FCRL5: variants seen among roughly 807,000 people sequenced by gnomAD.
FCRL5 encodes Fc receptor-like protein 5.
FCRL5 carries 79 observed loss-of-function variants against 92.1 expected under a neutral mutation model. The ratio of observed to expected loss-of-function variants is 0.86; its 90% confidence interval spans 0.72 to 1.03. The LOEUF is 1.03. FCRL5 is among the 50% of genes least tolerant of loss of function. The pLI is 0.00. For synonymous variants in FCRL5, 466 were observed against 469.3 expected, an observed-to-expected ratio of 0.99 and a Z score of 0.09; for missense variants, 1,160 against 1,181.1, an observed-to-expected ratio of 0.98 and a Z score of 0.26.
intron 1 of FCRL5, among the ~76,000 whole-genome samples, chr1:157,552,129 T>C (rs943656222): frequency 1.3e-5 from 2 of 152,202 alleles, no homozygotes; most frequent in Non-Finnish European, 2.9e-5. Context: ...CTCTGTAAGA[T>C]TGAAAATTCC....
At chr1:157,528,010 G>C in intron 8 of FCRL5, 115 bp from the exon 9 acceptor site, 1 of 1,221,110 alleles carries the variant, frequency 8.2e-7, no homozygotes, top group African/African-American at 1.5e-5. Context: ...AATTGGTAAA[G>C]AGGAAGAAGT....
intron 10 of FCRL5, chr1:157,523,692 G>A (rs566229762): frequency 6.6e-6 from 1 of 152,604 alleles, no homozygotes; most frequent in South Asian, 2.1e-4. Flanking sequence ...AGAGGAATTT[G>A]GGTGATGGAT....
chr1:157,527,843 C>T lies in FCRL5; in HGVS notation c.1734G>A (p.Val578=). 1.9e-6 allele frequency: 3 copies of T among 1,610,894 alleles called. No individual in the cohort carries two copies. The highest frequency in any genetic ancestry group is 2.5e-6 in the Non-Finnish European group (3 of 1,178,174). The stretch of plus-strand genomic sequence containing the variant: ...AGTGAAGCTCCAGCAGGTCCCCCAC[C>T]ACAGCCTGGGCCCTGGGAACCCTGA... The part of the protein sequence containing the change: ...LTLRVPRAQA[V]VGDLLELHCE... The change falls in exon 9 of 17, where the codon GTG becomes GTA. Residue 578 remains valine (V), a synonymous_variant. Transcript: ENST00000361835.
chr1:157,537,020 T>G (rs1261210594), intron 7 of FCRL5, among the ~76,000 whole-genome samples: 2 of 152,192 alleles, frequency 1.3e-5, no homozygotes, highest in Non-Finnish European at 2.9e-5. Flanking sequence ...TTTTGTAAAC[T>G]GAGGATGAAT....
rs747005781 is a variant in FCRL5, at chr1:157,519,772, T to A, written c.2633-2A>T. 3 of 1,613,960 alleles carry A rather than the reference T, an allele frequency of 1.9e-6. No individual in the cohort carries two copies. In the South Asian group the frequency reaches 3.3e-5, roughly 18 times the overall value. On this transcript the variant is annotated splice_acceptor_variant, in intron 12 of 16. Coordinates refer to ENST00000361835, the MANE Select transcript of FCRL5 (RefSeq NM_031281.3). LOFTEE classifies it high-confidence loss of function. ...CGGGGTCAGAGGCAGGCTTTCTCCC[T>A]GTAAAGGAAAGCAGAGGAGCATTGG...
Position 157,514,213 on chromosome 1 carries a change from C to T in FCRL5, c.*1462G>A, listed in dbSNP as rs1649828370. ...TTAAAAGTCATCACTGTACAATCCACTGGGAGCAAAGATCAAGATAAGATG... is the reference window on the plus strand; with the variant it reads ...TTAAAAGTCATCACTGTACAATCCATTGGGAGCAAAGATCAAGATAAGATG... On this transcript the variant is annotated 3_prime_UTR_variant, in exon 17 of 17. Transcript: ENST00000361835. The T allele has an allele frequency of 6.6e-6, 1 of 152,232 alleles. No individual in the cohort carries two copies. Among genetic ancestry groups the T allele is most frequent in the South Asian group, 2.1e-4 (1 of 4,830 alleles). 9.4% of individuals were successfully genotyped at this position (152,232 alleles called of 1,614,324 possible). A position where few individuals can be genotyped will look rare whatever the true frequency, so the allele number is the denominator to read the frequency against.
At chr1:157,536,543 A>G (rs1650976996) in intron 7 of FCRL5, among the ~76,000 whole-genome samples, 1 of 152,260 alleles carries the variant, frequency 6.6e-6, no homozygotes, top group Admixed American at 6.5e-5. Flanking sequence ...TTTCCCCAAC[A>G]TTTAAAACCT....
Position 157,515,484 on chromosome 1 carries a change from T to G in FCRL5, c.*191A>C. 7.9e-7 allele frequency: 1 copy of G among 1,264,334 alleles called. No individual in the cohort carries two copies. The highest frequency in any genetic ancestry group is 1.4e-5 in the South Asian group (1 of 70,522). 78.3% of individuals were successfully genotyped at this position (1,264,334 alleles called of 1,614,324 possible). A position where few individuals can be genotyped will look rare whatever the true frequency, so the allele number is the denominator to read the frequency against. ...GATTAAAAAACCTGCCAGTCAGGGC[T>G]TTAACTGGGAAACAGGTGACAGTCC... On this transcript the variant is annotated 3_prime_UTR_variant, in exon 17 of 17. Transcript: ENST00000361835.
intron 3 of FCRL5, 151 bp downstream of exon 3, chr1:157,546,792 A>G: frequency 5.3e-6 from 5 of 950,198 alleles, no homozygotes; most frequent in Non-Finnish European, 7.8e-6. Flanking sequence ...GTCTGGTTGT[A>G]TTCTGAGCTT....
In FCRL5 at chr1:157,543,434, A is replaced by G. The variant is rs16838774; in HGVS notation, c.845-297T>C. ...TGCTAGTTTTTCCTTAAAGATTAGC[A>G]TAGTCTTCTAGAGCTTTTTCTTCTG... On this transcript the variant is annotated intron_variant, in intron 5 of 16. Transcript: ENST00000361835. 6.9e-3 allele frequency among the ~76,000 whole-genome samples: 1,048 copies of G among 152,322 alleles called. 11 individuals carry two copies. Among genetic ancestry groups the G allele is most frequent in the African/African-American group, 0.023 (961 of 41,570 alleles).
intron 3 of FCRL5, chr1:157,546,201 G>T (rs552639415): frequency 2.3e-6 from 1 of 441,842 alleles, no homozygotes; most frequent in South Asian, 1.6e-5. Context: ...TAATCCCAGC[G>T]CTTTGAGAGG....
At position 157,542,944 on chromosome 1, in the gene FCRL5, A is replaced by T. The variant is rs1365415402; in HGVS notation, c.1038T>A (p.Thr346=). Residue 346 remains threonine, a synonymous_variant, in exon 6 of 17, where the codon ACT becomes ACA. Transcript: ENST00000361835. ...ERGASISFSL[T]TENSGNYYCT... is the part of the protein sequence containing the mutation. ...AGTAGTAGTTCCCTGAATTCTCTGT[A>T]GTCAGTGAGAAGCTGATGGATGCTC... The T allele has an allele frequency of 6.2e-7, 1 of 1,614,214 alleles. No individual in the cohort carries two copies. Among genetic ancestry groups the T allele is most frequent in the African/African-American group, 1.3e-5 (1 of 75,062 alleles).
At chr1:157,545,192 C>G (rs1401797724) in intron 3 of FCRL5, 110 bp from the exon 4 acceptor site, 3 of 1,196,518 alleles carry the variant, frequency 2.5e-6, no homozygotes, top group Admixed American at 2.8e-5. Flanking sequence ...AAAAAGAACT[C>G]TTAAAATAAT....
In FCRL5 at chr1:157,552,316, G is replaced by A. The variant is rs750873009; in HGVS notation, c.31+16C>T. On this transcript the variant is annotated intron_variant, in intron 1 of 16. Coordinates refer to ENST00000361835, the MANE Select transcript of FCRL5 (RefSeq NM_031281.3). ...CCCGATCCCACCCAGGGCCCATGGT[G>A]AGCCCTTTTACTCACCCAGGACCAG... is the stretch of plus-strand genomic sequence containing the variant. 6.2e-7 allele frequency: 1 copy of A among 1,613,864 alleles called. No homozygotes were observed. Among genetic ancestry groups the A allele is most frequent in the East Asian group, 2.2e-5 (1 of 44,854 alleles).
intron 1 of FCRL5, 84 bp from the exon 2 acceptor site, chr1:157,549,664 T>C (rs980904607): frequency 6.5e-6 from 8 of 1,224,642 alleles, no homozygotes; most frequent in Non-Finnish European, 4.6e-6. Context: ...TACCCATGCA[T>C]GTATTACTTG....
chr1:157,534,511 G>A (rs1345197705), intron 8 of FCRL5, 103 bp downstream of exon 8: 1 of 1,394,604 alleles, frequency 7.2e-7, no homozygotes, highest in African/African-American at 1.4e-5. Flanking sequence ...AGGGGATTAA[G>A]TTGATTAGGG....
chr1:157,549,028 A>T (rs1382117376), intron 2 of FCRL5, among the ~76,000 whole-genome samples: 5 of 152,142 alleles, frequency 3.3e-5, no homozygotes, highest in African/African-American at 1.2e-4. Flanking sequence ...AAGACTTGGA[A>T]CCAACCCAAA....
chr1:157,520,510 T>C lies in FCRL5; in HGVS notation c.2553A>G (p.Gly851=), dbSNP rs1000809787. Residue 851 remains glycine (G), a synonymous_variant, in exon 12 of 17, where the codon GGA becomes GGG. Transcript: ENST00000361835. ...CTATGCTGAGCAGGCCCCCGGCGAC[T>C]CCTGTGGCAAAAGGGCCACTTCTGT... ...TANRSGPFAT[G]VAGGLLSIAG... 1 of 1,577,742 alleles carries C rather than the reference T, an allele frequency of 6.3e-7. No individual in the cohort carries two copies. Among genetic ancestry groups the C allele is most frequent in the African/African-American group, 1.4e-5 (1 of 74,006 alleles).
At chr1:157,547,285 G>C (rs928904811) in intron 2 of FCRL5, 88 bp from the exon 3 acceptor site, 1 of 1,536,840 alleles carries the variant, frequency 6.5e-7, no homozygotes, top group African/African-American at 1.4e-5. Context: ...GAAGGACCTG[G>C]GTTTGGAGGA....
Sources: gnomAD v4.1 joint callset for allele counts (sites outside exome capture counted in the v4.1 genomes callset) on GRCh38, gnomAD v4.1.1 for gene constraint, MANE v1.5 for transcripts, NCBI Gene and HGNC (gene_info 2026-07-23, HGNC 2026-07-21) for gene names.